The following DAB1 variants were observed in gnomAD, a reference collection of about 807,000 sequenced individuals.
DAB1 encodes the protein disabled homolog 1.
In DAB1, 15 loss-of-function variants were observed where a neutral mutation model predicts 64.6. That is an observed-to-expected ratio of 0.23 (90% CI 0.16 to 0.36). DAB1 has a LOEUF of 0.36. DAB1 is among the 10% of genes least tolerant of loss of function. The pLI is 1.00. For synonymous variants in DAB1, 235 were observed against 251.9 expected (o/e 0.93, Z 0.64); for missense variants, 596 against 706.7 (o/e 0.84, Z 1.78).
chr1:57,710,246 G>A (rs1165859651), intron 6 of DAB1, among the ~76,000 whole-genome samples: 7 of 151,954 alleles, frequency 4.6e-5, no homozygotes, highest in Non-Finnish European at 1.0e-4. Context: ...GTGAAGCCTC[G>A]GTTGAAGGTG....
At position 58,385,094 on chromosome 1, in the gene DAB1, A is replaced by G. The variant is rs561532049; in HGVS notation, n.258-41691T>C. On this transcript the variant is annotated intron_variant and non_coding_transcript_variant, in intron 3 of 20. Transcript: ENST00000485760. ...GTTAAGTGTTCTTACTATAAAAACAAGCACACAAACAACAACAAAAAACAA... is the reference window on the plus strand; with the variant it reads ...GTTAAGTGTTCTTACTATAAAAACAGGCACACAAACAACAACAAAAAACAA... 3.3e-5 allele frequency among the ~76,000 whole-genome samples: 5 copies of G among 152,370 alleles called. No individual in the cohort carries two copies. The South Asian group carries it at 1.0e-3, about 32-fold the overall frequency.
intron 6 of DAB1, among the ~76,000 whole-genome samples, chr1:57,767,947 C>A (rs569108061): frequency 6.6e-6 from 1 of 151,828 alleles, no homozygotes; most frequent in African/African-American, 2.4e-5. Context: ...GAGGCTGAGG[C>A]GGGTGGATCA....
chr1:57,613,438 T>G (rs1435061239), intron 7 of DAB1, among the ~76,000 whole-genome samples: 2 of 152,152 alleles, frequency 1.3e-5, no homozygotes, highest in East Asian at 3.9e-4. Flanking sequence ...GTCAGATATG[T>G]GCACCCCATG....
chr1:58,060,754 G>A (rs1295712403), intron 5 of DAB1, among the ~76,000 whole-genome samples: 1 of 152,238 alleles, frequency 6.6e-6, no homozygotes, highest in African/African-American at 2.4e-5. Context: ...GGCTTTCTGG[G>A]CCAGCAGCCA....
At chr1:58,275,109 G>C (rs576765780) in intron 4 of DAB1, among the ~76,000 whole-genome samples, 1 of 152,094 alleles carries the variant, frequency 6.6e-6, no homozygotes, top group Non-Finnish European at 1.5e-5. Context: ...CAATGATGCT[G>C]GGAAAATTGG....
intron 2 of DAB1, among the ~76,000 whole-genome samples, chr1:57,175,180 CTG>C (rs1342498468): frequency 6.6e-6 from 1 of 152,090 alleles, no homozygotes; most frequent in Non-Finnish European, 1.5e-5. Context: ...AATTAGCAAA[CTG>C]TATTCCAATG....
chr1:57,266,044 G>A (rs933422676), intron 2 of DAB1, among the ~76,000 whole-genome samples: 2 of 152,118 alleles, frequency 1.3e-5, no homozygotes, highest in Non-Finnish European at 2.9e-5. Flanking sequence ...TAGGCACAAG[G>A]CATGGCTCCT....
At chr1:58,406,994 T>C (rs992242425) in intron 3 of DAB1, among the ~76,000 whole-genome samples, 6 of 152,180 alleles carry the variant, frequency 3.9e-5, no homozygotes, top group Admixed American at 3.9e-4. Flanking sequence ...AATGTTATCA[T>C]TGCCAGTAGC....
At chr1:57,977,076 C>T (rs1352549993) in intron 5 of DAB1, among the ~76,000 whole-genome samples, 1 of 152,156 alleles carries the variant, frequency 6.6e-6, no homozygotes, top group African/African-American at 2.4e-5. Flanking sequence ...TTCCATGGCT[C>T]CCCACTGCCC....
chr1:57,962,700 AT>A (rs202107836), intron 5 of DAB1, among the ~76,000 whole-genome samples: 36 of 148,188 alleles, frequency 2.4e-4, no homozygotes, highest in Middle Eastern at 3.5e-3. Flanking sequence ...AATCTCTACA[AT>A]TTTTTTTTTT....
intron 4 of DAB1, among the ~76,000 whole-genome samples, chr1:58,154,780 A>G (rs1219538461): frequency 6.6e-6 from 1 of 152,162 alleles, no homozygotes; most frequent in East Asian, 1.9e-4. Context: ...GTTGGTGGGG[A>G]AAAAGAACAC....
chr1:58,013,594 C>G (rs1646699702), intron 5 of DAB1, among the ~76,000 whole-genome samples: 1 of 152,200 alleles, frequency 6.6e-6, no homozygotes, highest in Non-Finnish European at 1.5e-5. Context: ...AAATGTCAGG[C>G]ACAGTTGAGC....
chr1:58,240,846 T>C (rs1660261124), intron 4 of DAB1, among the ~76,000 whole-genome samples: 1 of 152,132 alleles, frequency 6.6e-6, no homozygotes, highest in Admixed American at 6.5e-5. Flanking sequence ...CAAAGATGAA[T>C]AGAAAGAGAA....
chr1:57,998,389 CTTTTTT>C (rs3991037), intron 5 of DAB1, among the ~76,000 whole-genome samples: 1 of 128,798 alleles, frequency 7.8e-6, no homozygotes. Context: ...TTTTTTCTCT[CTTTTTT>C]TTTTTTTTTT....
intron 7 of DAB1, among the ~76,000 whole-genome samples, chr1:57,637,960 A>G (rs1646077590): frequency 6.6e-6 from 1 of 152,204 alleles, no homozygotes; most frequent in South Asian, 2.1e-4. Flanking sequence ...GTTGTTTACA[A>G]TGATTGTTAC....
At chr1:57,890,622 A>G (rs539084275) in intron 5 of DAB1, among the ~76,000 whole-genome samples, 1 of 151,702 alleles carries the variant, frequency 6.6e-6, no homozygotes, top group Admixed American at 6.6e-5. Flanking sequence ...TGCCTGGGTA[A>G]TTTTCAAATT....
At chr1:57,196,928 A>T (rs530421578) in intron 2 of DAB1, among the ~76,000 whole-genome samples, 1 of 152,214 alleles carries the variant, frequency 6.6e-6, no homozygotes, top group Non-Finnish European at 1.5e-5. Context: ...GATTTACCAT[A>T]CATCAGGTAC....
At chr1:58,205,173 G>C (rs1395354320) in intron 4 of DAB1, among the ~76,000 whole-genome samples, 4 of 152,142 alleles carry the variant, frequency 2.6e-5, no homozygotes, top group Non-Finnish European at 1.5e-5. Context: ...CTAGAATTCT[G>C]AATTCACAGC....
At chr1:58,163,596 G>A (rs1655663013) in intron 4 of DAB1, among the ~76,000 whole-genome samples, 1 of 152,126 alleles carries the variant, frequency 6.6e-6, no homozygotes, top group Non-Finnish European at 1.5e-5. Flanking sequence ...GCCTGGGACT[G>A]AACTCCTTCC....
Sources: allele counts gnomAD v4.1 joint callset (sites outside exome capture counted in the v4.1 genomes callset), GRCh38; gene constraint gnomAD v4.1.1; transcripts MANE v1.5; gene names NCBI Gene and HGNC (gene_info 2026-07-23, HGNC 2026-07-21).